PPP3CB: variants seen among roughly 807,000 people sequenced by gnomAD.
PPP3CB encodes the protein serine/threonine-protein phosphatase 2B catalytic subunit beta isoform.
In PPP3CB, 8 loss-of-function variants were observed where a neutral mutation model predicts 66.4. That is an observed-to-expected ratio of 0.12 (90% CI 0.07 to 0.22). The LOEUF (loss-of-function observed/expected upper bound fraction) is 0.22, where lower values mean the gene tolerates loss of function less well. PPP3CB is among the 10% of genes least tolerant of loss of function. PPP3CB has a pLI of 1.00. For missense variants in PPP3CB, 319 were observed against 642.5 expected (o/e 0.50, Z 5.44); for synonymous variants, 208 against 221.2 (o/e 0.94, Z 0.53).
intron 1 of PPP3CB, among the ~76,000 whole-genome samples, chr10:73,490,073 T>C (rs1361412871): frequency 6.6e-6 from 1 of 152,210 alleles, no homozygotes. Context: ...TTACTTAATA[T>C]CCTATTCACT....
At position 73,454,400 on chromosome 10, in the gene PPP3CB, G is replaced by T; in HGVS notation, c.1186+12C>A. 6.3e-7 allele frequency: 1 copy of T among 1,582,086 alleles called. No individual in the cohort carries two copies. The highest frequency in any genetic ancestry group is 1.1e-5 in the South Asian group (1 of 88,820). ...ACAGTAAAAAAAAAAATAGTAAGAT[G>T]AATAATCATACCATCAAACTGGTCT... On this transcript the variant is annotated intron_variant, in intron 10 of 13. Coordinates refer to ENST00000360663, the MANE Select transcript of PPP3CB (RefSeq NM_021132.4).
At chr10:73,493,438 C>T (rs1395366773) in intron 1 of PPP3CB, among the ~76,000 whole-genome samples, 1 of 152,192 alleles carries the variant, frequency 6.6e-6, no homozygotes, top group East Asian at 1.9e-4. Context: ...TTAAGCTGAA[C>T]TCACATCATT....
intron 1 of PPP3CB, among the ~76,000 whole-genome samples, chr10:73,482,032 C>T (rs948388645): frequency 1.3e-5 from 2 of 151,880 alleles, no homozygotes; most frequent in Non-Finnish European, 2.9e-5. Flanking sequence ...CAAATTTGCC[C>T]TCATGGTAGA....
intron 3 of PPP3CB, among the ~76,000 whole-genome samples, chr10:73,476,083 A>C (rs969957133): frequency 6.6e-6 from 1 of 151,166 alleles, no homozygotes; most frequent in Admixed American, 6.6e-5. Flanking sequence ...CTGGTCTCGA[A>C]CTCCCAGGTT....
intron 13 of PPP3CB, among the ~76,000 whole-genome samples, chr10:73,439,265 C>A (rs1322500891): frequency 1.3e-5 from 2 of 152,054 alleles, no homozygotes; most frequent in African/African-American, 4.8e-5. Context: ...GGCACATGAA[C>A]CAAACAAATG....
chr10:73,495,977 G>A lies in PPP3CB; in HGVS notation c.-88C>T. 1 of 856,984 alleles carries A rather than the reference G, an allele frequency of 1.2e-6. No homozygotes were observed. The highest frequency in any genetic ancestry group is 1.5e-6 in the Non-Finnish European group (1 of 647,814). The allele number at this position is 856,984 out of a possible 1,614,324, so 53.1% of individuals were successfully genotyped here. On this transcript the variant is annotated 5_prime_UTR_variant, in exon 1 of 14. Transcript: ENST00000360663. Reference sequence around the variant, plus strand: ...CCAGAGCCAAGCGGCGGCGCCGCCGGGGAACATGGCGGACCCTCTTTCCCT... The same window carrying A: ...CCAGAGCCAAGCGGCGGCGCCGCCGAGGAACATGGCGGACCCTCTTTCCCT...
chr10:73,468,990 A>C (rs1197293248), intron 8 of PPP3CB, among the ~76,000 whole-genome samples: 2 of 152,148 alleles, frequency 1.3e-5, no homozygotes, highest in Non-Finnish European at 2.9e-5. Flanking sequence ...AACCATTAAC[A>C]CTATTTATGT....
chr10:73,470,040 C>T (rs2056678550), intron 8 of PPP3CB, among the ~76,000 whole-genome samples: 1 of 151,982 alleles, frequency 6.6e-6, no homozygotes, highest in Non-Finnish European at 1.5e-5. Context: ...AAACTGTATT[C>T]AAAATAAAAT....
chr10:73,439,448 T>G (rs1250194635), intron 13 of PPP3CB, among the ~76,000 whole-genome samples: 1 of 152,162 alleles, frequency 6.6e-6, no homozygotes, highest in African/African-American at 2.4e-5. Flanking sequence ...AAAAACAAAC[T>G]CACACCTATA....
rs948955661 is a variant in PPP3CB at position 73,437,356 on chromosome 10, G to A, written c.*886C>T. 3.9e-5 allele frequency: 6 copies of A among 152,664 alleles called. No homozygotes were observed. The highest frequency in any genetic ancestry group is 1.4e-4 in the African/African-American group (6 of 41,548). 9.5% of individuals were successfully genotyped at this position (152,664 alleles called of 1,614,324 possible). A position where few individuals can be genotyped will look rare whatever the true frequency, so the allele number is the denominator to read the frequency against. On this transcript the variant is annotated 3_prime_UTR_variant, in exon 14 of 14. Transcript: ENST00000360663. ...CATAACATCTAGGTAACCTATACATGTCGTACCTGTACATCATAGGTCTAT... is the reference window on the plus strand; with the variant it reads ...CATAACATCTAGGTAACCTATACATATCGTACCTGTACATCATAGGTCTAT...
chr10:73,489,836 C>A (rs1172277740), intron 1 of PPP3CB, among the ~76,000 whole-genome samples: 1 of 152,148 alleles, frequency 6.6e-6, no homozygotes, highest in Admixed American at 6.6e-5. Context: ...AAACTCCATG[C>A]CTTTCTGCTT....
Position 73,471,218 on chromosome 10 carries a change from GAAAGA to G in PPP3CB, c.670-14_670-10del, listed in dbSNP as rs780284319. On this transcript the variant is annotated splice_polypyrimidine_tract_variant and intron_variant, in intron 5 of 13. Transcript: ENST00000360663. ...TCTTTGAATCTATCTAACTGTGAAA[GAAAGA>G]AAAGAAAGAACAGAAGTAACTCATC... 7.2e-5 allele frequency: 113 copies of G among 1,575,464 alleles called. No homozygotes were observed. The African/African-American group carries it at 1.4e-3, about 19-fold the overall frequency.
At chr10:73,478,670 A>G (rs1371664044) in intron 2 of PPP3CB, 47 bp from the exon 3 acceptor site, 5 of 1,533,166 alleles carry the variant, frequency 3.3e-6, no homozygotes, top group African/African-American at 1.4e-5. Context: ...CTCTAAAACA[A>G]CAAATTTTAC....
At chr10:73,445,928 T>C (rs2056242191) in intron 11 of PPP3CB, among the ~76,000 whole-genome samples, 1 of 151,742 alleles carries the variant, frequency 6.6e-6, no homozygotes, top group African/African-American at 2.4e-5. Flanking sequence ...TTTCTATTTT[T>C]AGTAGAGACA....
At chr10:73,474,860 C>T (rs1444679463) in intron 4 of PPP3CB, 59 bp downstream of exon 4, 3 of 1,588,502 alleles carry the variant, frequency 1.9e-6, no homozygotes, top group Non-Finnish European at 2.6e-6. Context: ...ACTCTTACTA[C>T]CCACTTAAGT....
rs1273432168 is a variant in PPP3CB at position 73,444,530 on chromosome 10, C to T, written c.1366+195G>A. The T allele has an allele frequency of 5.3e-6, 8 of 1,503,410 alleles. No individual in the cohort carries two copies. In the African/African-American group the frequency reaches 9.7e-5, roughly 18 times the overall value. The allele number at this position is 1,503,410 out of a possible 1,614,324, so 93.1% of individuals were successfully genotyped here. ...CCATTATTTTCAATTGAAAGGAATA[C>T]CCATTCTATCAGTTTTCTGCCCTGA... is the stretch of plus-strand genomic sequence containing the variant. On this transcript the variant is annotated intron_variant, in intron 12 of 13. Coordinates refer to ENST00000360663, the MANE Select transcript of PPP3CB (RefSeq NM_021132.4).
intron 1 of PPP3CB, among the ~76,000 whole-genome samples, chr10:73,481,814 T>A (rs113439079): frequency 6.6e-6 from 1 of 151,506 alleles, no homozygotes; most frequent in Non-Finnish European, 1.5e-5. Flanking sequence ...TTTTTTTTTT[T>A]ATTTGCTATC....
At chr10:73,477,592 T>G (rs188476158) in intron 3 of PPP3CB, among the ~76,000 whole-genome samples, 1 of 152,324 alleles carries the variant, frequency 6.6e-6, no homozygotes, top group East Asian at 1.9e-4. Flanking sequence ...AAATACATAT[T>G]GTTCTACATT....
At chr10:73,460,032 C>T (rs2056495211) in intron 9 of PPP3CB, among the ~76,000 whole-genome samples, 2 of 151,892 alleles carry the variant, frequency 1.3e-5, no homozygotes, top group Non-Finnish European at 2.9e-5. Flanking sequence ...GAGCATAACA[C>T]GTTCAGAAAA....
Sources: allele counts gnomAD v4.1 joint callset (sites outside exome capture counted in the v4.1 genomes callset), GRCh38; gene constraint gnomAD v4.1.1; transcripts MANE v1.5; gene names NCBI Gene and HGNC (gene_info 2026-07-23, HGNC 2026-07-21).